The following PRR16 variants were observed in gnomAD, a reference collection of about 807,000 sequenced individuals.
PRR16 encodes proline rich 16, also known as protein Largen.
In PRR16, 6 loss-of-function variants were observed where a neutral mutation model predicts 18.2. That is an observed-to-expected ratio of 0.33 (90% CI 0.18 to 0.65). The LOEUF (loss-of-function observed/expected upper bound fraction) is 0.65, where lower values mean the gene tolerates loss of function less well. Among genes scored for constraint, PRR16 ranks in the 30% least tolerant of loss-of-function variants. The pLI is 0.74. For missense variants in PRR16, 412 were observed against 376.6 expected (o/e 1.09, Z -0.78); for synonymous variants, 151 against 147.8 (o/e 1.02, Z -0.16).
Position 120,622,948 on chromosome 5 carries a change from T to C in PRR16, c.160-63006T>C, listed in dbSNP as rs192270836. Among the ~76,000 whole-genome samples, 65 of 152,282 alleles carry C rather than the reference T, an allele frequency of 4.3e-4. No homozygotes were observed. In the East Asian group the frequency reaches 0.011, roughly 26 times the overall value. On this transcript the variant is annotated intron_variant, in intron 1 of 1. Coordinates refer to ENST00000407149, the MANE Select transcript of PRR16 (RefSeq NM_001300783.2). ...CAGTAGGGAGAGAGAACAATAAAAA[T>C]GTGTAATTTTCTACTTATAAACACA... is the stretch of plus-strand genomic sequence containing the variant.
rs148936979 is a variant in PRR16 at position 120,677,576 on chromosome 5, A to C, written c.160-8378A>C. Reference sequence around the variant, plus strand: ...TAAATTGTGATTGTTTTTCTAAGTCAATCTTAAAGATCTTACAGGAATCTA... The same window carrying C: ...TAAATTGTGATTGTTTTTCTAAGTCCATCTTAAAGATCTTACAGGAATCTA... On this transcript the variant is annotated intron_variant, in intron 1 of 1. Coordinates refer to ENST00000407149, the MANE Select transcript of PRR16 (RefSeq NM_001300783.2). Among the ~76,000 whole-genome samples, 9 of 152,246 alleles carry C rather than the reference A, an allele frequency of 5.9e-5. No homozygotes were observed. The East Asian group carries it at 1.7e-3, about 29-fold the overall frequency.
At chr5:120,793,200 T>C in the PRR16 span, among the ~76,000 whole-genome samples, 1 of 152,118 alleles carries the variant, frequency 6.6e-6, no homozygotes, top group Non-Finnish European at 1.5e-5. Flanking sequence ...AGTGACAATA[T>C]GGTATAACCT....
chr5:120,606,952 A>G (rs1754173837), intron 1 of PRR16, among the ~76,000 whole-genome samples: 1 of 152,102 alleles, frequency 6.6e-6, no homozygotes, highest in Non-Finnish European at 1.5e-5. Context: ...ACCTAATATT[A>G]TGTATTATTG....
intron 1 of PRR16, among the ~76,000 whole-genome samples, chr5:120,497,237 ACTT>A (rs1237352150): frequency 1.3e-5 from 2 of 151,686 alleles, no homozygotes; most frequent in Non-Finnish European, 2.9e-5. Context: ...GGTACTGTTT[ACTT>A]CTTCTGTATC....
At chr5:120,718,753 T>C in the PRR16 span, among the ~76,000 whole-genome samples, 1 of 152,048 alleles carries the variant, frequency 6.6e-6, no homozygotes, top group Non-Finnish European at 1.5e-5. Context: ...CTCCTACCAA[T>C]GAGTTATGAG....
intron 1 of PRR16, among the ~76,000 whole-genome samples, chr5:120,680,609 A>G (rs756639559): frequency 6.6e-6 from 1 of 152,158 alleles, no homozygotes; most frequent in Non-Finnish European, 1.5e-5. Context: ...TATTCAATTT[A>G]TAAGATATTC....
chr5:120,585,227 T>A (rs1753400263), intron 1 of PRR16, among the ~76,000 whole-genome samples: 1 of 152,222 alleles, frequency 6.6e-6, no homozygotes, highest in South Asian at 2.1e-4. Context: ...TTGAGTCAGT[T>A]GGGCTAACAG....
chr5:120,587,385 T>C (rs1753483454), intron 1 of PRR16, among the ~76,000 whole-genome samples: 1 of 152,162 alleles, frequency 6.6e-6, no homozygotes, highest in South Asian at 2.1e-4. Flanking sequence ...ACCTAGGACT[T>C]TCATAGCTGG....
chr5:120,757,115 G>A, the PRR16 span, among the ~76,000 whole-genome samples: 1 of 151,986 alleles, frequency 6.6e-6, no homozygotes, highest in Non-Finnish European at 1.5e-5. Context: ...CTTTGTTGAA[G>A]ATCAGATGGC....
chr5:120,746,184 G>A, the PRR16 span, among the ~76,000 whole-genome samples: 39 of 151,036 alleles, frequency 2.6e-4, no homozygotes, highest in African/African-American at 9.0e-4. Flanking sequence ...TCCATACAAT[G>A]ATTGACACTG....
At position 120,570,423 on chromosome 5, in the gene PRR16, G is replaced by A. The variant is rs186922134; in HGVS notation, c.159+105778G>A. Among the ~76,000 whole-genome samples, 99 of 152,264 alleles carry A rather than the reference G, an allele frequency of 6.5e-4. 1 individual carries two copies. The highest frequency in any genetic ancestry group is 2.3e-3 in the African/African-American group (94 of 41,554). Reference sequence around the variant, plus strand: ...AACCGCCAAATGCCCTGCACAGGTTGATATGTTGGGCCAGATGTATAATGT... The same window carrying A: ...AACCGCCAAATGCCCTGCACAGGTTAATATGTTGGGCCAGATGTATAATGT... On this transcript the variant is annotated intron_variant, in intron 1 of 1. Transcript: ENST00000407149.
chr5:120,553,444 C>T (rs1752319207), intron 1 of PRR16, among the ~76,000 whole-genome samples: 1 of 151,768 alleles, frequency 6.6e-6, no homozygotes, highest in Admixed American at 6.6e-5. Context: ...TGTGGAAGTA[C>T]TTTCTCTTGT....
chr5:120,570,906 G>T (rs894507353), intron 1 of PRR16, among the ~76,000 whole-genome samples: 3 of 152,044 alleles, frequency 2.0e-5, no homozygotes, highest in African/African-American at 4.8e-5. Context: ...TATAAAAAAA[G>T]TATGAGACAG....
intron 1 of PRR16, among the ~76,000 whole-genome samples, chr5:120,564,322 T>C (rs1482745211): frequency 1.3e-5 from 2 of 152,082 alleles, no homozygotes; most frequent in Non-Finnish European, 2.9e-5. Flanking sequence ...CACTAGACTT[T>C]GCCTAAGAAA....
chr5:120,577,764 C>T (rs1044882069), intron 1 of PRR16, among the ~76,000 whole-genome samples: 2 of 152,164 alleles, frequency 1.3e-5, no homozygotes, highest in Non-Finnish European at 2.9e-5. Context: ...ATGATGAACT[C>T]TGTAGCAGGG....
At chr5:120,656,195 G>A (rs1255395925) in intron 1 of PRR16, among the ~76,000 whole-genome samples, 1 of 151,742 alleles carries the variant, frequency 6.6e-6, no homozygotes, top group Non-Finnish European at 1.5e-5. Flanking sequence ...ATTTTACTGC[G>A]CTTTAATTTC....
chr5:120,582,846 G>C (rs2112758435), intron 1 of PRR16, among the ~76,000 whole-genome samples: 1 of 152,186 alleles, frequency 6.6e-6, no homozygotes, highest in East Asian at 1.9e-4. Context: ...CAGTTTGCCA[G>C]ATCTACATTG....
chr5:120,500,369 AC>A (rs949418987), intron 1 of PRR16, among the ~76,000 whole-genome samples: 2 of 151,694 alleles, frequency 1.3e-5, no homozygotes, highest in Admixed American at 1.3e-4. Flanking sequence ...TTCTTCTATC[AC>A]CCTTTCGAAG....
At chr5:120,488,585 G>A (rs142993407) in intron 1 of PRR16, among the ~76,000 whole-genome samples, 108,007 of 151,604 alleles carry the variant, frequency 0.71, 39,617 homozygotes, top group East Asian at 0.94. Context: ...TTTGTTGATC[G>A]TTTCAAAAAA....
Sources: allele counts gnomAD v4.1 joint callset (sites outside exome capture counted in the v4.1 genomes callset), GRCh38; gene constraint gnomAD v4.1.1; transcripts MANE v1.5; gene names NCBI Gene and HGNC (gene_info 2026-07-23, HGNC 2026-07-21).